FAM171A1: variants seen among roughly 807,000 people sequenced by gnomAD.
FAM171A1 encodes the protein protein FAM171A1.
Under a neutral mutation model 74.9 loss-of-function variants are expected in FAM171A1, and 23 were observed. That is an observed-to-expected ratio of 0.31 (90% CI 0.22 to 0.44). The LOEUF is 0.44. FAM171A1 is among the 20% of genes least tolerant of loss of function. The pLI, the probability that FAM171A1 is intolerant of heterozygous loss-of-function variation, is 1.00. For synonymous variants in FAM171A1, 527 were observed against 505.7 expected, an observed-to-expected ratio of 1.04 and a Z score of -0.57; for missense variants, 1,162 against 1,159.2, an observed-to-expected ratio of 1.00 and a Z score of -0.03.
At chr10:15,340,255 T>G (rs917663809) in intron 1 of FAM171A1, among the ~76,000 whole-genome samples, 2 of 152,162 alleles carry the variant, frequency 1.3e-5, no homozygotes, top group Middle Eastern at 3.2e-3. Context: ...CAGTTAATTT[T>G]TAGGAAGAGG....
intron 6 of FAM171A1, among the ~76,000 whole-genome samples, chr10:15,220,287 A>G (rs1009035553): frequency 2.0e-5 from 3 of 152,224 alleles, no homozygotes; most frequent in Non-Finnish European, 1.5e-5. Flanking sequence ...TATAGATTCT[A>G]AAGGCAGCTT....
At chr10:15,253,717 C>A (rs1834539022) in intron 4 of FAM171A1, among the ~76,000 whole-genome samples, 1 of 152,214 alleles carries the variant, frequency 6.6e-6, no homozygotes, top group South Asian at 2.1e-4. Flanking sequence ...TAGCAGAATG[C>A]AACTCAGAAC....
chr10:15,358,204 G>A (rs1174557705), intron 1 of FAM171A1, among the ~76,000 whole-genome samples: 1 of 152,050 alleles, frequency 6.6e-6, no homozygotes, highest in African/African-American at 2.4e-5. Flanking sequence ...TTGAACTCCT[G>A]GGCTCAAGCG....
chr10:15,306,986 C>T (rs1185864230), intron 1 of FAM171A1, among the ~76,000 whole-genome samples: 1 of 152,148 alleles, frequency 6.6e-6, no homozygotes, highest in Non-Finnish European at 1.5e-5. Flanking sequence ...GACACGGAAC[C>T]CTCTCCAGGG....
At chr10:15,302,133 A>T (rs990120346) in intron 1 of FAM171A1, among the ~76,000 whole-genome samples, 1 of 151,596 alleles carries the variant, frequency 6.6e-6, no homozygotes, top group Middle Eastern at 3.2e-3. Flanking sequence ...CCACACTTAG[A>T]CCCCCACCTG....
intron 1 of FAM171A1, among the ~76,000 whole-genome samples, chr10:15,353,757 GT>G (rs1835903575): frequency 6.6e-6 from 1 of 152,130 alleles, no homozygotes; most frequent in African/African-American, 2.4e-5. Context: ...TCTCTACATG[GT>G]ACAGCTCCTA....
chr10:15,222,189 T>C (rs561707648), intron 5 of FAM171A1, among the ~76,000 whole-genome samples: 103 of 152,280 alleles, frequency 6.8e-4, no homozygotes, highest in South Asian at 3.5e-3. Flanking sequence ...ATAATCATCC[T>C]CACCTGAAAT....
chr10:15,326,171 T>C (rs1288835340), intron 1 of FAM171A1, among the ~76,000 whole-genome samples: 2 of 152,212 alleles, frequency 1.3e-5, no homozygotes, highest in African/African-American at 4.8e-5. Flanking sequence ...AGAGGACTTA[T>C]GTTCTCTGCC....
intron 1 of FAM171A1, among the ~76,000 whole-genome samples, chr10:15,308,810 G>C (rs1355594182): frequency 6.6e-6 from 1 of 152,068 alleles, no homozygotes; most frequent in Non-Finnish European, 1.5e-5. Context: ...AGTAATCAAG[G>C]AGCAGACATC....
intron 5 of FAM171A1, among the ~76,000 whole-genome samples, chr10:15,224,464 T>C (rs1054308382): frequency 1.3e-5 from 2 of 152,132 alleles, no homozygotes; most frequent in Non-Finnish European, 2.9e-5. Flanking sequence ...TCCCACTTCC[T>C]TCCTCTCTTC....
At chr10:15,356,111 G>C (rs1469201070) in intron 1 of FAM171A1, among the ~76,000 whole-genome samples, 1 of 151,826 alleles carries the variant, frequency 6.6e-6, no homozygotes, top group African/African-American at 2.4e-5. Context: ...CTCAACTTTG[G>C]TTTCTAACAA....
intron 1 of FAM171A1, among the ~76,000 whole-genome samples, chr10:15,341,696 A>G (rs1835766175): frequency 6.6e-6 from 1 of 152,244 alleles, no homozygotes; most frequent in East Asian, 1.9e-4. Context: ...CAAAGTTATC[A>G]GAGAGTATGC....
At chr10:15,214,957 G>A (rs1833949332) in intron 7 of FAM171A1, among the ~76,000 whole-genome samples, 1 of 151,642 alleles carries the variant, frequency 6.6e-6, no homozygotes, top group Non-Finnish European at 1.5e-5. Flanking sequence ...TTGTAGAGAT[G>A]GCCTGTGTTG....
chr10:15,217,229 G>A (rs1056182691), intron 6 of FAM171A1, among the ~76,000 whole-genome samples: 26 of 152,082 alleles, frequency 1.7e-4, no homozygotes, highest in African/African-American at 5.3e-4. Flanking sequence ...ACAGATCAGC[G>A]ACAACAAAAA....
At chr10:15,270,755 C>A (rs922421116) in intron 3 of FAM171A1, among the ~76,000 whole-genome samples, 1 of 152,198 alleles carries the variant, frequency 6.6e-6, no homozygotes, top group Non-Finnish European at 1.5e-5. Flanking sequence ...TGGTGATACC[C>A]AGGCAAACAG....
At chr10:15,337,345 T>C (rs1835713051) in intron 1 of FAM171A1, among the ~76,000 whole-genome samples, 1 of 152,252 alleles carries the variant, frequency 6.6e-6, no homozygotes, top group Non-Finnish European at 1.5e-5. Flanking sequence ...TATAGTTCAT[T>C]TCATCTTTTT....
chr10:15,229,927 TCATCATCACCATCAC>T lies in FAM171A1; in HGVS notation c.755-8882_755-8868del, dbSNP rs921720949. ...ACCATCACCACCATCACCAACATCA[TCATCATCACCATCAC>T]CATCATCACCATCAGGCGTTTCCAG... On this transcript the variant is annotated intron_variant, in intron 5 of 7. Transcript: ENST00000378116. 1.5e-5 allele frequency among the ~76,000 whole-genome samples: 2 copies of T among 129,598 alleles called. 1 individual carries two copies. The highest frequency in any genetic ancestry group is 6.0e-5 in the African/African-American group (2 of 33,470). The allele number at this position is 129,598 out of a possible 152,430, so 85.0% of individuals were successfully genotyped here.
At chr10:15,266,746 G>T (rs1564627609) in intron 3 of FAM171A1, among the ~76,000 whole-genome samples, 1 of 151,832 alleles carries the variant, frequency 6.6e-6, no homozygotes, top group Non-Finnish European at 1.5e-5. Flanking sequence ...GTATGTGCCT[G>T]TGGTAACAGC....
In FAM171A1 at chr10:15,212,701, T is replaced by C. The variant is rs1322129795; in HGVS notation, c.*214A>G. On this transcript the variant is annotated 3_prime_UTR_variant, in exon 8 of 8. Transcript: ENST00000378116. The stretch of plus-strand genomic sequence containing the variant: ...CTGGACACCACTTTCAGCCACCTCC[T>C]TGCAGGGGCGACATCCGCCAAAGTC... The C allele has an allele frequency of 5.9e-6, 4 of 679,348 alleles. No individual in the cohort carries two copies. Among genetic ancestry groups the C allele is most frequent in the South Asian group, 2.0e-5 (1 of 50,038 alleles). 42.1% of individuals were successfully genotyped at this position (679,348 alleles called of 1,614,324 possible). A position where few individuals can be genotyped will look rare whatever the true frequency, so the allele number is the denominator to read the frequency against.
Sources: gnomAD v4.1 joint callset for allele counts (sites outside exome capture counted in the v4.1 genomes callset) on GRCh38, gnomAD v4.1.1 for gene constraint, MANE v1.5 for transcripts, NCBI Gene and HGNC (gene_info 2026-07-23, HGNC 2026-07-21) for gene names.